The following NPAS1 variants were observed in gnomAD, a reference collection of about 807,000 sequenced individuals.
The protein encoded by NPAS1 is neuronal PAS domain-containing protein 1.
NPAS1 carries 29 observed loss-of-function variants against 49.2 expected under a neutral mutation model. That is an observed-to-expected ratio of 0.59 (90% CI 0.44 to 0.80). The LOEUF is 0.80. Ranked by LOEUF, NPAS1 falls within the 30% of genes least tolerant of loss-of-function variation. NPAS1 has a pLI of 0.00. For missense variants in NPAS1, 825 were observed against 835.5 expected, an observed-to-expected ratio of 0.99 and a Z score of 0.15; for synonymous variants, 408 against 380.4, an observed-to-expected ratio of 1.07 and a Z score of -0.84.
rs756611769 is a variant in NPAS1, at chr19:47,039,110, C to T, written c.763C>T (p.Leu255Phe). ...RSFFVRMKST[L>F]TKRGLHVKAS... is the part of the protein sequence containing the mutation. Reference sequence around the variant, plus strand: ...CTTCTTTGTCCGCATGAAATCCACGCTCACCAAGAGGGGGCTGCACGTCAA... The same window carrying T: ...CTTCTTTGTCCGCATGAAATCCACGTTCACCAAGAGGGGGCTGCACGTCAA... The change falls in exon 7 of 12, where the codon CTC (leucine) becomes TTC (phenylalanine). Residue 255 changes from leucine to phenylalanine, a missense_variant. Coordinates refer to ENST00000602212, the MANE Select transcript of NPAS1 (RefSeq NM_002517.4). The T allele has an allele frequency of 6.2e-7, 1 of 1,613,716 alleles. No homozygotes were observed. Among genetic ancestry groups the T allele is most frequent in the African/African-American group, 1.3e-5 (1 of 75,050 alleles).
intron 3 of NPAS1, among the ~76,000 whole-genome samples, chr19:47,024,911 G>A (rs542237572): frequency 8.0e-6 from 1 of 124,398 alleles, no homozygotes; most frequent in African/African-American, 2.8e-5. Context: ...CTGGGTTCAA[G>A]CAATTCTCCT....
chr19:47,025,544 C>G (rs2056866240), intron 3 of NPAS1, among the ~76,000 whole-genome samples: 1 of 151,920 alleles, frequency 6.6e-6, no homozygotes, highest in Non-Finnish European at 1.5e-5. Context: ...TCCCAAAGTG[C>G]TGGGATTACA....
At chr19:47,026,370 G>A (rs1322351608) in intron 3 of NPAS1, among the ~76,000 whole-genome samples, 7 of 152,214 alleles carry the variant, frequency 4.6e-5, no homozygotes, top group Non-Finnish European at 7.3e-5. Flanking sequence ...AGCTTGCTGG[G>A]TGCAGAGCCT....
Position 47,035,045 on chromosome 19 carries a change from T to G in NPAS1, c.523-919T>G, listed in dbSNP as rs998955567. On this transcript the variant is annotated intron_variant, in intron 5 of 11. Coordinates refer to ENST00000602212, the MANE Select transcript of NPAS1 (RefSeq NM_002517.4). The stretch of plus-strand genomic sequence containing the variant: ...AAAAATACAAAATTAGCCAGGTGTG[T>G]TGGCACATGCCTGTAATCCCAGCTT... Among the ~76,000 whole-genome samples the G allele has an allele frequency of 2.7e-5, 4 of 149,600 alleles. No homozygotes were observed. The East Asian group carries it at 5.9e-4, about 22-fold the overall frequency.
At chr19:47,040,907 T>C in intron 9 of NPAS1, 71 bp from the exon 10 acceptor site, 1 of 1,314,908 alleles carries the variant, frequency 7.6e-7, no homozygotes, top group South Asian at 1.6e-5. Flanking sequence ...TCTCCTCCTG[T>C]CTACCTGGCT....
At chr19:47,043,372 C>T (rs1187209452) in intron 11 of NPAS1, among the ~76,000 whole-genome samples, 1 of 151,338 alleles carries the variant, frequency 6.6e-6, no homozygotes, top group African/African-American at 2.4e-5. Context: ...GGCAGATCAC[C>T]AGGTCAGGAG....
At chr19:47,039,308 C>T in intron 7 of NPAS1, 99 bp from the exon 8 acceptor site, 1 of 1,541,140 alleles carries the variant, frequency 6.5e-7, no homozygotes, top group South Asian at 1.2e-5. Flanking sequence ...TCCAGTCCTC[C>T]AGCACCTGTG....
chr19:47,030,693 G>A (rs967676489), intron 3 of NPAS1, among the ~76,000 whole-genome samples: 5 of 122,876 alleles, frequency 4.1e-5, no homozygotes, highest in African/African-American at 3.2e-5. Context: ...TCACTCTGTC[G>A]CCCAGGCTGC....
rs1046100390 is a variant in NPAS1 at position 47,036,397 on chromosome 19, T to C, written c.688+268T>C. Reference sequence around the variant, plus strand: ...GGCTTAGGTAAATAACAAGGCAGGCTTATTGGGAATATACACCGGCTGTGT... The same window carrying C: ...GGCTTAGGTAAATAACAAGGCAGGCCTATTGGGAATATACACCGGCTGTGT... On this transcript the variant is annotated intron_variant, in intron 6 of 11. Transcript: ENST00000602212. 2.0e-5 allele frequency among the ~76,000 whole-genome samples: 3 copies of C among 152,246 alleles called. No homozygotes were observed. The East Asian group carries it at 5.8e-4, about 29-fold the overall frequency.
intron 3 of NPAS1, among the ~76,000 whole-genome samples, chr19:47,029,412 T>TTAC (rs1422171405): frequency 6.7e-6 from 1 of 150,150 alleles, no homozygotes; most frequent in African/African-American, 2.5e-5. Flanking sequence ...ATTATTATTA[T>TTAC]TATTGAGATG....
chr19:47,029,998 G>GT, intron 3 of NPAS1, among the ~76,000 whole-genome samples: 1 of 152,120 alleles, frequency 6.6e-6, no homozygotes, highest in Non-Finnish European at 1.5e-5. Context: ...TACTTTCTGT[G>GT]TTTTTTGTTT....
At chr19:47,030,021 G>C (rs540877918) in intron 3 of NPAS1, among the ~76,000 whole-genome samples, 3 of 151,982 alleles carry the variant, frequency 2.0e-5, no homozygotes. Context: ...TTTTGTTTTT[G>C]TTTTTGTTTG....
chr19:47,045,644 G>C lies in NPAS1; in HGVS notation c.1766G>C (p.Gly589Ala). The change falls in exon 12 of 12, where the codon GGG (glycine) becomes GCG (alanine). Residue 589 changes from glycine (G) to alanine (A), a missense_variant. Transcript: ENST00000602212. ...GCGGGCACCAGGCTGCCGCGGAAGG[G>C]GGACTGAGGACTGGCAGAGCTGCCG... ...GPAGTRLPRKGD is the reference protein window; with the variant it reads ...GPAGTRLPRKAD The C allele has an allele frequency of 7.0e-7, 1 of 1,418,926 alleles. No individual in the cohort carries two copies. Among genetic ancestry groups the C allele is most frequent in the Non-Finnish European group, 9.1e-7 (1 of 1,097,496 alleles). 87.9% of individuals were successfully genotyped at this position (1,418,926 alleles called of 1,614,324 possible).
intron 5 of NPAS1, among the ~76,000 whole-genome samples, chr19:47,033,086 C>CATG (rs2056919207): frequency 6.7e-6 from 1 of 148,318 alleles, no homozygotes; most frequent in Non-Finnish European, 1.5e-5. Flanking sequence ...ACTACAGGCG[C>CATG]CCACCACACC....
At position 47,045,678 on chromosome 19, in the gene NPAS1, C is replaced by T; in HGVS notation, c.*27C>T. 1 of 1,395,166 alleles carries T rather than the reference C, an allele frequency of 7.2e-7. No homozygotes were observed. Among genetic ancestry groups the T allele is most frequent in the Non-Finnish European group, 9.3e-7 (1 of 1,080,688 alleles). The allele number at this position is 1,395,166 out of a possible 1,614,324, so 86.4% of individuals were successfully genotyped here. ...GACTGGCAGAGCTGCCGGCGCCGGA[C>T]CCTGCGACAACCGGGGTCCCCCAGG... On this transcript the variant is annotated 3_prime_UTR_variant, in exon 12 of 12. Transcript: ENST00000602212.
chr19:47,028,885 G>T (rs919822485), intron 3 of NPAS1, among the ~76,000 whole-genome samples: 11 of 152,020 alleles, frequency 7.2e-5, no homozygotes, highest in Non-Finnish European at 1.3e-4. Context: ...CAGGCTCCGG[G>T]ACCCCCAGGT....
chr19:47,031,934 G>A (rs1457686550), intron 3 of NPAS1, among the ~76,000 whole-genome samples: 1 of 152,166 alleles, frequency 6.6e-6, no homozygotes, highest in Non-Finnish European at 1.5e-5. Flanking sequence ...AGGAGGCAGG[G>A]GTTGCTGGGC....
intron 5 of NPAS1, among the ~76,000 whole-genome samples, chr19:47,033,230 G>C (rs1210398804): frequency 1.3e-5 from 2 of 149,808 alleles, no homozygotes; most frequent in Non-Finnish European, 3.0e-5. Flanking sequence ...CCACTGTCCT[G>C]GCTGATGAGG....
In NPAS1 at chr19:47,040,779, CAA is replaced by C. The variant is rs983892145; in HGVS notation, c.1070-198_1070-197del. The stretch of plus-strand genomic sequence containing the variant: ...GGGGCTGTGGGGTCTCCAAAACACC[CAA>C]GAGGCCTCGCTGCTGGGCTACCTCT... On this transcript the variant is annotated intron_variant, in intron 9 of 11. Coordinates refer to ENST00000602212, the MANE Select transcript of NPAS1 (RefSeq NM_002517.4). 6 of 609,454 alleles carry C rather than the reference CAA, an allele frequency of 9.8e-6. No homozygotes were observed. The African/African-American group carries it at 1.1e-4, about 11-fold the overall frequency. 37.8% of individuals were successfully genotyped at this position (609,454 alleles called of 1,614,324 possible).
Sources: allele counts gnomAD v4.1 joint callset (sites outside exome capture counted in the v4.1 genomes callset), GRCh38; gene constraint gnomAD v4.1.1; transcripts MANE v1.5; gene names NCBI Gene and HGNC (gene_info 2026-07-23, HGNC 2026-07-21).